The following AFF2 variants were observed in gnomAD, a reference collection of about 807,000 sequenced individuals.
AFF2 encodes the protein ALF transcription elongation factor 2.
Under a neutral mutation model 76.9 loss-of-function variants are expected in AFF2, and 14 were observed. The observed-to-expected ratio is 0.18, with a 90% CI of 0.12 to 0.28. AFF2 has a LOEUF of 0.28. AFF2 is among the 10% of genes least tolerant of loss of function. The pLI is 1.00. For synonymous variants in AFF2, 398 were observed against 366.7 expected (o/e 1.09, Z -0.98); for missense variants, 868 against 1,001.1 (o/e 0.87, Z 1.79).
At chrX:148,700,963 G>T (rs1333726014) in intron 3 of AFF2, among the ~76,000 whole-genome samples, 2 of 105,664 alleles carry the variant, frequency 1.9e-5, no homozygotes, top group African/African-American at 7.1e-5. Flanking sequence ...TATTCTGTGA[G>T]AACTTTTTGG....
chrX:148,958,196 G>A, intron 11 of AFF2, 141 bp from the exon 12 acceptor site: 1 of 832,681 alleles, frequency 1.2e-6, no homozygotes, highest in Non-Finnish European at 1.7e-6. Context: ...CTGATCAAAG[G>A]TGCACATTTA....
In AFF2 at chrX:148,881,431, A is replaced by G. The variant is rs1489538434; in HGVS notation, c.1263-4458A>G. Among the ~76,000 whole-genome samples the G allele has an allele frequency of 3.6e-5, 4 of 111,014 alleles. No individual in the cohort carries two copies. The Admixed American group carries it at 3.9e-4, about 11-fold the overall frequency. The stretch of plus-strand genomic sequence containing the variant: ...AGGTAGCTTCCCAGGTATAAAGGTC[A>G]GAACATCGGGACCACTCATTTTTTT... On this transcript the variant is annotated intron_variant, in intron 7 of 20. Coordinates refer to ENST00000370460, the MANE Select transcript of AFF2 (RefSeq NM_002025.4).
At chrX:148,804,889 T>C (rs1224578685) in intron 3 of AFF2, among the ~76,000 whole-genome samples, 1 of 111,982 alleles carries the variant, frequency 8.9e-6, no homozygotes, top group Non-Finnish European at 1.9e-5. Context: ...GAACTGAGTT[T>C]GTAGTTTTCC....
intron 3 of AFF2, among the ~76,000 whole-genome samples, chrX:148,745,399 C>G (rs916579491): frequency 9.8e-5 from 11 of 111,681 alleles, no homozygotes; most frequent in Non-Finnish European, 1.3e-4. Context: ...TTAACCCCTT[C>G]CCCCATCTAC....
At position 148,509,944 on chromosome X, in the gene AFF2, C is replaced by T. The variant is rs1245758625; in HGVS notation, c.47+8800C>T. 3.6e-5 allele frequency among the ~76,000 whole-genome samples: 4 copies of T among 111,356 alleles called. No individual in the cohort carries two copies. The South Asian group carries it at 1.5e-3, about 43-fold the overall frequency. On this transcript the variant is annotated intron_variant, in intron 1 of 20. Transcript: ENST00000370460. ...GAGCAGCAGGACCTCCTGCTTCCTC[C>T]GTCCCTCAAACTCCCATACTCCTAC...
At chrX:148,666,560 G>A (rs191766117) in intron 3 of AFF2, among the ~76,000 whole-genome samples, 413 of 107,842 alleles carry the variant, frequency 3.8e-3, no homozygotes, top group Non-Finnish European at 5.9e-3. Context: ...ACTCCAGCCC[G>A]GTGACAAAGC....
intron 8 of AFF2, among the ~76,000 whole-genome samples, chrX:148,889,357 G>A (rs1292362203): frequency 2.7e-5 from 3 of 111,338 alleles, no homozygotes; most frequent in African/African-American, 9.8e-5. Context: ...AGCAAGTAGG[G>A]TATGTTTAAA....
intron 1 of AFF2, among the ~76,000 whole-genome samples, chrX:148,555,150 A>G (rs2124295622): frequency 9.0e-6 from 1 of 111,596 alleles, no homozygotes; most frequent in South Asian, 3.8e-4. Context: ...CCCAAGGTTC[A>G]TTTTCTCCAG....
chrX:148,717,039 C>T (rs1166455121), intron 3 of AFF2, among the ~76,000 whole-genome samples: 1 of 112,246 alleles, frequency 8.9e-6, no homozygotes, highest in Non-Finnish European at 1.9e-5. Context: ...TATCATATAA[C>T]TCAACAGTTG....
intron 1 of AFF2, among the ~76,000 whole-genome samples, chrX:148,592,781 A>G (rs2053535909): frequency 9.0e-6 from 1 of 111,631 alleles, no homozygotes; most frequent in African/African-American, 3.3e-5. Flanking sequence ...TGGCCTTTGG[A>G]TGGAGCTCAG....
chrX:148,643,972 A>G (rs782204307), intron 1 of AFF2, among the ~76,000 whole-genome samples: 7 of 111,700 alleles, frequency 6.3e-5, no homozygotes, highest in Non-Finnish European at 1.3e-4. Flanking sequence ...CAGATGGGAA[A>G]CTTTGGCTTG....
At chrX:148,615,575 A>G (rs1379077041) in intron 1 of AFF2, among the ~76,000 whole-genome samples, 1 of 111,446 alleles carries the variant, frequency 9.0e-6, no homozygotes, top group Non-Finnish European at 1.9e-5. Flanking sequence ...AGATAGATAT[A>G]TTTATTCTAC....
chrX:148,551,797 G>A (rs1367750257), intron 1 of AFF2, among the ~76,000 whole-genome samples: 2 of 111,777 alleles, frequency 1.8e-5, no homozygotes, highest in African/African-American at 6.5e-5. Context: ...GAGGGTCTTT[G>A]TATACCTGGG....
chrX:148,855,839 C>G (rs1446777390), intron 7 of AFF2, among the ~76,000 whole-genome samples: 1 of 111,988 alleles, frequency 8.9e-6, no homozygotes, highest in Non-Finnish European at 1.9e-5. Flanking sequence ...ATAGCACCTA[C>G]ATGATACGAT....
intron 3 of AFF2, among the ~76,000 whole-genome samples, chrX:148,739,593 ATCTT>A (rs1327242884): frequency 8.9e-6 from 1 of 111,800 alleles, no homozygotes; most frequent in Non-Finnish European, 1.9e-5. Context: ...GCGTTTCTGT[ATCTT>A]TTAAGTGGAG....
intron 12 of AFF2, among the ~76,000 whole-genome samples, chrX:148,959,610 G>A (rs1210009678): frequency 8.9e-6 from 1 of 112,285 alleles, no homozygotes; most frequent in Non-Finnish European, 1.9e-5. Context: ...GTCCTGGGCT[G>A]CCCCCTGCCC....
chrX:148,940,333 T>C (rs2071819257), intron 9 of AFF2, among the ~76,000 whole-genome samples: 1 of 112,286 alleles, frequency 8.9e-6, no homozygotes, highest in Non-Finnish European at 1.9e-5. Context: ...TGTGATTTGC[T>C]GTTGACATAC....
At chrX:148,620,489 T>C (rs2053855459) in intron 1 of AFF2, among the ~76,000 whole-genome samples, 1 of 110,289 alleles carries the variant, frequency 9.1e-6, no homozygotes, top group African/African-American at 3.3e-5. Context: ...GCTGGTTAAT[T>C]TCTGAATCCT....
At chrX:148,923,736 G>A (rs1442474324) in intron 9 of AFF2, among the ~76,000 whole-genome samples, 2 of 111,833 alleles carry the variant, frequency 1.8e-5, no homozygotes, top group Non-Finnish European at 3.8e-5. Context: ...GATGTATATA[G>A]TCTTTGCCTA....
Sources: gnomAD v4.1 joint callset for allele counts (sites outside exome capture counted in the v4.1 genomes callset) on GRCh38, gnomAD v4.1.1 for gene constraint, MANE v1.5 for transcripts, NCBI Gene and HGNC (gene_info 2026-07-23, HGNC 2026-07-21) for gene names.